Variants in IMMT observed in about 807,000 individuals in gnomAD.
IMMT encodes MICOS complex subunit MIC60.
A neutral mutation model predicts 92.7 loss-of-function variants in IMMT; 40 were observed. That is an observed-to-expected ratio of 0.43 (90% CI 0.34 to 0.56). The LOEUF (loss-of-function observed/expected upper bound fraction) is 0.56. Among genes scored for constraint, IMMT ranks in the 20% least tolerant of loss-of-function variants. The probability of loss-of-function intolerance (pLI) is 0.03; values close to 1 mark genes in which losing one functional copy is unlikely to be tolerated. For missense variants in IMMT, 831 were observed against 912.1 expected, an observed-to-expected ratio of 0.91 and a Z score of 1.14; for synonymous variants, 322 against 336.1, an observed-to-expected ratio of 0.96 and a Z score of 0.46.
At chr2:86,176,966 A>C (rs1677471622) in intron 3 of IMMT, among the ~76,000 whole-genome samples, 1 of 152,268 alleles carries the variant, frequency 6.6e-6, no homozygotes, top group African/African-American at 2.4e-5. Context: ...TCCCTCAGCC[A>C]ATATGGACAT....
In IMMT at chr2:86,153,582, G is replaced by A; in HGVS notation, c.1163-8C>T. 7 of 1,451,850 alleles carry A rather than the reference G, an allele frequency of 4.8e-6. No individual in the cohort carries two copies. Among genetic ancestry groups the A allele is most frequent in the Non-Finnish European group, 6.5e-6 (7 of 1,075,870 alleles). The allele number at this position is 1,451,850 out of a possible 1,614,324, so 89.9% of individuals were successfully genotyped here. The stretch of plus-strand genomic sequence containing the variant: ...CACCTAAGTCTGAAACACCTACAAA[G>A]GAAAAAATAGAACAGTTTGAAAAAA... On this transcript the variant is annotated splice_region_variant and splice_polypyrimidine_tract_variant and intron_variant, in intron 10 of 14. Transcript: ENST00000410111.
rs763356600 is a variant in IMMT, at chr2:86,195,398, G to T, written c.-16C>A. 6.5e-7 allele frequency: 1 copy of T among 1,546,960 alleles called. No homozygotes were observed. Among genetic ancestry groups the T allele is most frequent in the Admixed American group, 2.0e-5 (1 of 50,810 alleles). On this transcript the variant is annotated 5_prime_UTR_variant, in exon 1 of 15. Coordinates refer to ENST00000410111, the MANE Select transcript of IMMT (RefSeq NM_006839.3). ...CCCGCAGCATCTCGGTCAAGCGGAC[G>T]GCGCTGCTGGTGGACTCGAGCTGCC... is the stretch of plus-strand genomic sequence containing the variant.
chr2:86,150,347 C>T (rs1399448093), intron 12 of IMMT, among the ~76,000 whole-genome samples: 2 of 152,130 alleles, frequency 1.3e-5, no homozygotes, highest in African/African-American at 4.8e-5. Flanking sequence ...ATGGAGAAAA[C>T]GTTTCAGAAC....
intron 1 of IMMT, among the ~76,000 whole-genome samples, chr2:86,184,785 T>C (rs566352780): frequency 6.6e-6 from 1 of 152,180 alleles, no homozygotes. Context: ...ATATTCTTGT[T>C]ATGTAGTGAC....
intron 7 of IMMT, 83 bp from the exon 8 acceptor site, chr2:86,162,162 G>A (rs1177527017): frequency 3.8e-6 from 3 of 798,636 alleles, no homozygotes; most frequent in South Asian, 1.8e-5. Flanking sequence ...ACAGAAACAT[G>A]TGACATTAAA....
rs368138395 is a variant in IMMT, at chr2:86,163,696, G to T, written c.793-1617C>A. ...GCTTTTTAAATGTTCTATGTAGCCA[G>T]GTGCAGTGGCTCACAACTGTAATCC... On this transcript the variant is annotated intron_variant, in intron 7 of 14. Coordinates refer to ENST00000410111, the MANE Select transcript of IMMT (RefSeq NM_006839.3). Among the ~76,000 whole-genome samples the T allele has an allele frequency of 1.1e-4, 16 of 152,136 alleles. No individual in the cohort carries two copies. In the East Asian group the frequency reaches 2.1e-3, roughly 20 times the overall value.
intron 10 of IMMT, among the ~76,000 whole-genome samples, chr2:86,156,314 G>A (rs1292646662): frequency 6.6e-6 from 1 of 152,064 alleles, no homozygotes; most frequent in Admixed American, 6.6e-5. Flanking sequence ...ATAGGCAGCC[G>A]GGCGTGGTGT....
At chr2:86,191,999 A>G (rs1673159774) in intron 1 of IMMT, among the ~76,000 whole-genome samples, 1 of 152,072 alleles carries the variant, frequency 6.6e-6, no homozygotes, top group Non-Finnish European at 1.5e-5. Flanking sequence ...TGGGGAGGAG[A>G]AGGTGGGGAT....
chr2:86,186,098 T>C lies in IMMT; in HGVS notation c.46-4726A>G, dbSNP rs149172081. ...TATGGGGAGCAGATAATTTGTCTCTTTAGTTTACAGGGCTTTAGATCACCA... is the reference window on the plus strand; with the variant it reads ...TATGGGGAGCAGATAATTTGTCTCTCTAGTTTACAGGGCTTTAGATCACCA... On this transcript the variant is annotated intron_variant, in intron 1 of 14. Transcript: ENST00000410111. 9.3e-4 allele frequency among the ~76,000 whole-genome samples: 142 copies of C among 152,298 alleles called. 1 individual carries two copies. The highest frequency in any genetic ancestry group is 3.0e-3 in the African/African-American group (125 of 41,548).
chr2:86,159,864 G>A (rs1676141366), intron 8 of IMMT, 193 bp from the exon 9 acceptor site: 1 of 385,006 alleles, frequency 2.6e-6, no homozygotes, highest in Non-Finnish European at 4.6e-6. Context: ...GACCAGCCTG[G>A]ACAACATAGG....
chr2:86,163,361 G>T (rs1676427576), intron 7 of IMMT, among the ~76,000 whole-genome samples: 1 of 152,048 alleles, frequency 6.6e-6, no homozygotes, highest in Non-Finnish European at 1.5e-5. Flanking sequence ...TCTAGTGGTA[G>T]AACTAATAAA....
Position 86,169,743 on chromosome 2 carries a change from A to AAAT in IMMT, c.655+1003_655+1005dup, listed in dbSNP as rs1331925721. On this transcript the variant is annotated intron_variant, in intron 6 of 14. Transcript: ENST00000410111. Reference sequence around the variant, plus strand: ...AATCCTGACCTACCGAGGACAGCAAAAATAATAATAATGATAAAAAAAACT... The same window carrying AAAT: ...AATCCTGACCTACCGAGGACAGCAAAAATAATAATAATAATGATAAAAAAAACT... Among the ~76,000 whole-genome samples, 22 of 152,174 alleles carry AAAT rather than the reference A, an allele frequency of 1.4e-4. No individual in the cohort carries two copies. The South Asian group carries it at 4.1e-3, about 29-fold the overall frequency.
At chr2:86,185,760 A>G (rs769285218) in intron 1 of IMMT, among the ~76,000 whole-genome samples, 3 of 152,246 alleles carry the variant, frequency 2.0e-5, no homozygotes, top group Non-Finnish European at 4.4e-5. Context: ...AATGAAAAGA[A>G]GCTTCTAGAC....
Position 86,162,042 on chromosome 2 carries a change from A to G in IMMT, c.830T>C (p.Val277Ala), listed in dbSNP as rs762863288. 1 of 1,604,192 alleles carries G rather than the reference A, an allele frequency of 6.2e-7. No homozygotes were observed. The highest frequency in any genetic ancestry group is 8.5e-7 in the Non-Finnish European group (1 of 1,175,946). ...TCTGCGTTCCTTCAATGCACCCTCCACTGTGCGCCACTGAGCAGATTTCTT... is the reference window on the plus strand; with the variant it reads ...TCTGCGTTCCTTCAATGCACCCTCCGCTGTGCGCCACTGAGCAGATTTCTT... Reference protein sequence around the residue: ...GEKKSAQWRTVEGALKERRKA... With the variant: ...GEKKSAQWRTAEGALKERRKA... The change falls in exon 8 of 15, where the codon GTG becomes GCG. Residue 277 changes from valine to alanine, a missense_variant. Transcript: ENST00000410111.
chr2:86,178,391 G>A (rs567896059), intron 3 of IMMT, among the ~76,000 whole-genome samples: 17 of 151,792 alleles, frequency 1.1e-4, no homozygotes, highest in African/African-American at 3.9e-4. Flanking sequence ...ACTTTGGGGG[G>A]CCGAGGCAGG....
intron 1 of IMMT, among the ~76,000 whole-genome samples, 173 bp from the exon 2 acceptor site, chr2:86,181,545 G>C (rs1672436288): frequency 6.6e-6 from 1 of 151,936 alleles, no homozygotes; most frequent in Admixed American, 6.6e-5. Context: ...TAAAAGCAGT[G>C]ATGCTTCTTA....
chr2:86,177,613 A>G (rs555855122), intron 3 of IMMT, among the ~76,000 whole-genome samples: 9 of 152,310 alleles, frequency 5.9e-5, no homozygotes, highest in Admixed American at 5.9e-4. Flanking sequence ...AAGAAAAAAA[A>G]AAGAAAAAAA....
chr2:86,147,653 T>C, intron 13 of IMMT, 49 bp downstream of exon 13: 1 of 1,573,084 alleles, frequency 6.4e-7, no homozygotes, highest in Non-Finnish European at 8.6e-7. Flanking sequence ...GAGAGTCTCT[T>C]AATCCTGTCA....
intron 3 of IMMT, among the ~76,000 whole-genome samples, chr2:86,178,919 G>A (rs760819779): frequency 2.0e-5 from 3 of 151,750 alleles, no homozygotes; most frequent in South Asian, 2.1e-4. Flanking sequence ...ACAATTAGCC[G>A]GGCATGGTGG....
Sources: gnomAD v4.1 joint callset for allele counts (sites outside exome capture counted in the v4.1 genomes callset) on GRCh38, gnomAD v4.1.1 for gene constraint, MANE v1.5 for transcripts, NCBI Gene and HGNC (gene_info 2026-07-23, HGNC 2026-07-21) for gene names.